The following NECTIN4 variants were observed in gnomAD, a reference collection of about 807,000 sequenced individuals.
NECTIN4 encodes the protein nectin-4.
In NECTIN4, 19 loss-of-function variants were observed where a neutral mutation model predicts 51.7. The ratio of observed to expected loss-of-function variants is 0.37; its 90% confidence interval spans 0.26 to 0.54. The LOEUF (loss-of-function observed/expected upper bound fraction) is 0.54. NECTIN4 is among the 20% of genes least tolerant of loss of function. The probability of loss-of-function intolerance (pLI) is 0.86; values close to 1 mark genes in which losing one functional copy is unlikely to be tolerated. For synonymous variants in NECTIN4, 283 were observed against 286.9 expected, an observed-to-expected ratio of 0.99 and a Z score of 0.14; for missense variants, 619 against 662.4, an observed-to-expected ratio of 0.93 and a Z score of 0.72.
intron 8 of NECTIN4, 56 bp from the exon 9 acceptor site, chr1:161,072,941 G>A: frequency 6.6e-7 from 1 of 1,519,246 alleles, no homozygotes; most frequent in African/African-American, 1.4e-5. Flanking sequence ...GCTGCACATG[G>A]TGGGGCATGG....
At chr1:161,086,625 G>A (rs1430522611) in intron 1 of NECTIN4, among the ~76,000 whole-genome samples, 2 of 152,176 alleles carry the variant, frequency 1.3e-5, no homozygotes, top group African/African-American at 4.8e-5. Flanking sequence ...GGGTCCCTCA[G>A]CCCCAGGGCA....
Position 161,074,263 on chromosome 1 carries a change from T to C in NECTIN4, c.1111A>G (p.Met371Val), listed in dbSNP as rs1386219026. 1.2e-6 allele frequency: 2 copies of C among 1,614,074 alleles called. No homozygotes were observed. The highest frequency in any genetic ancestry group is 1.7e-6 in the Non-Finnish European group (2 of 1,180,010). ...GCCTTGCGCCGATGGTATCGGGACA[T>C]GAGCACCACCACCACCACCAGAAGG... ...FCLLVVVVVL[M>V]SRYHRRKAQQ... Residue 371 changes from methionine to valine, a missense_variant, in exon 6 of 9, where the codon ATG becomes GTG. By Grantham distance (21) the Met-to-Val change is conservative. Transcript: ENST00000368012.
chr1:161,081,023 A>G (rs1158096441), intron 1 of NECTIN4, among the ~76,000 whole-genome samples: 1 of 152,200 alleles, frequency 6.6e-6, no homozygotes, highest in Non-Finnish European at 1.5e-5. Context: ...GGGTAGGATT[A>G]GGAGGGAGAG....
At chr1:161,083,992 G>C (rs1487958076) in intron 1 of NECTIN4, among the ~76,000 whole-genome samples, 1 of 152,232 alleles carries the variant, frequency 6.6e-6, no homozygotes, top group African/African-American at 2.4e-5. Flanking sequence ...TTTATGAGGG[G>C]CCTTTCTCCA....
intron 1 of NECTIN4, among the ~76,000 whole-genome samples, chr1:161,080,578 G>T (rs1445264843): frequency 2.0e-5 from 3 of 152,116 alleles, no homozygotes; most frequent in Non-Finnish European, 4.4e-5. Flanking sequence ...TGTTCCATGT[G>T]GGAGGAAAGG....
intron 1 of NECTIN4, among the ~76,000 whole-genome samples, chr1:161,080,557 A>G (rs1219417936): frequency 6.6e-6 from 1 of 152,124 alleles, no homozygotes; most frequent in African/African-American, 2.4e-5. Context: ...GGATTCCTAT[A>G]GCGCAGGAAA....
intron 1 of NECTIN4, among the ~76,000 whole-genome samples, chr1:161,081,401 C>G (rs1029928689): frequency 5.9e-5 from 9 of 151,910 alleles, no homozygotes; most frequent in African/African-American, 2.2e-4. Context: ...GATTTGGTCA[C>G]TGACCAGAAA....
At chr1:161,082,713 T>A (rs911172734) in intron 1 of NECTIN4, among the ~76,000 whole-genome samples, 5 of 152,106 alleles carry the variant, frequency 3.3e-5, no homozygotes, top group Admixed American at 6.6e-5. Context: ...CAGCCCAGCC[T>A]GGGAGTCCAG....
chr1:161,085,288 C>T lies in NECTIN4; in HGVS notation c.79+3930G>A, dbSNP rs563498772. ...GATGAGAACAATGGGGAGGACAGGC[C>T]TTGAGGCAGCCCCACTCTGGCCCAG... On this transcript the variant is annotated intron_variant, in intron 1 of 8. Coordinates refer to ENST00000368012, the MANE Select transcript of NECTIN4 (RefSeq NM_030916.3). Among the ~76,000 whole-genome samples, 115 of 152,230 alleles carry T rather than the reference C, an allele frequency of 7.6e-4. 1 individual carries two copies. Among genetic ancestry groups the T allele is most frequent in the African/African-American group, 2.6e-3 (107 of 41,520 alleles).
At position 161,073,290 on chromosome 1, in the gene NECTIN4, TCTC is replaced by T; in HGVS notation, c.1240_1242del (p.Glu414del). The T allele has an allele frequency of 6.2e-7, 1 of 1,613,846 alleles. No individual in the cohort carries two copies. The highest frequency in any genetic ancestry group is 1.1e-5 in the South Asian group (1 of 91,082). On this transcript the variant is annotated inframe_deletion, in exon 8 of 9. Transcript: ENST00000368012. ...TGGCCCTCGGCTCTCAGCCCTACAC[TCTC>T]CTCCGGCTGCAGGGCCCAGACACGG...
chr1:161,085,008 G>C (rs1408872973), intron 1 of NECTIN4: 1 of 151,594 alleles, frequency 6.6e-6, no homozygotes, highest in African/African-American at 2.4e-5. Flanking sequence ...GGGACGCACC[G>C]AAGCTCACCA....
At chr1:161,078,025 G>C (rs1338182860) in intron 2 of NECTIN4, among the ~76,000 whole-genome samples, 1 of 152,028 alleles carries the variant, frequency 6.6e-6, no homozygotes, top group Admixed American at 6.6e-5. Context: ...CCACCATCTA[G>C]TAAGCATTTA....
chr1:161,073,080 A>G (rs1289212018), intron 8 of NECTIN4, 145 bp downstream of exon 8: 5 of 853,984 alleles, frequency 5.9e-6, no homozygotes, highest in Non-Finnish European at 9.7e-6. Flanking sequence ...GAGAACAAAG[A>G]CGTAGCAGAG....
In NECTIN4 at chr1:161,089,417, G is replaced by A. The variant is rs141913287; in HGVS notation, c.-121C>T. 5.8e-5 allele frequency: 53 copies of A among 908,382 alleles called. No homozygotes were observed. The highest frequency in any genetic ancestry group is 2.3e-4 in the East Asian group (9 of 38,534). 56.3% of individuals were successfully genotyped at this position (908,382 alleles called of 1,614,324 possible). A position where few individuals can be genotyped will look rare whatever the true frequency, so the allele number is the denominator to read the frequency against. Reference sequence around the variant, plus strand: ...GGAAGCTGCAGAGTTCTTGCCTCTCGCACTTGGGTCTCCACTAGGGGACCC... The same window carrying A: ...GGAAGCTGCAGAGTTCTTGCCTCTCACACTTGGGTCTCCACTAGGGGACCC... On this transcript the variant is annotated 5_prime_UTR_variant, in exon 1 of 9. Transcript: ENST00000368012. The surrounding 1 kb of genome is among the most constrained non-coding windows in gnomAD (Gnocchi z 4.1).
rs200474573 is a variant in NECTIN4, at chr1:161,079,865, C to T, written c.164G>A (p.Arg55Gln). ...GQDAKLPCFY[R>Q]GDSGEQVGQV... is the part of the protein sequence containing the mutation. Reference sequence around the variant, plus strand: ...CCCCACTTGCTCGCCGGAGTCCCCTCGGTAGAAGCAGGGCAGTTTTGCGTC... The same window carrying T: ...CCCCACTTGCTCGCCGGAGTCCCCTTGGTAGAAGCAGGGCAGTTTTGCGTC... Residue 55 changes from arginine (R) to glutamine (Q), a missense_variant, in exon 2 of 9, where the codon CGA (arginine) becomes CAA (glutamine). Arg to Gln is a conservative substitution (Grantham distance 43). This residue lies in a region of NECTIN4 where 218 missense variants were observed against 186.3 expected (regional missense o/e 1.17). Transcript: ENST00000368012. The T allele has an allele frequency of 1.9e-6, 3 of 1,613,958 alleles. No homozygotes were observed. Among genetic ancestry groups the T allele is most frequent in the African/African-American group, 1.3e-5 (1 of 75,070 alleles).
rs974784962 is a variant in NECTIN4 at position 161,073,400 on chromosome 1, C to A, written c.1234-101G>T. The A allele has an allele frequency of 4.1e-6, 4 of 986,206 alleles. No individual in the cohort carries two copies. The African/African-American group carries it at 6.4e-5, about 16-fold the overall frequency. 61.1% of individuals were successfully genotyped at this position (986,206 alleles called of 1,614,324 possible). A position where few individuals can be genotyped will look rare whatever the true frequency, so the allele number is the denominator to read the frequency against. ...ACCAGCCTCCTCCCTACTTGCCTGT[C>A]CCCCAACCCAACAGGTCCATTCTCT... On this transcript the variant is annotated intron_variant, in intron 7 of 8. Transcript: ENST00000368012.
rs1653167665 is a variant in NECTIN4, at chr1:161,071,626, G to C, written c.*1035C>G. The C allele has an allele frequency of 6.6e-6, 1 of 152,072 alleles. No individual in the cohort carries two copies. Among genetic ancestry groups the C allele is most frequent in the Non-Finnish European group, 1.5e-5 (1 of 68,012 alleles). The allele number at this position is 152,072 out of a possible 1,614,324, so 9.4% of individuals were successfully genotyped here. On this transcript the variant is annotated 3_prime_UTR_variant, in exon 9 of 9. Transcript: ENST00000368012. ...TCACAATCACAGGAATTAACCCCCT[G>C]GTGTTGGAGGGGCCTCACTTTAAGC...
chr1:161,089,263 GC>G lies in NECTIN4; in HGVS notation c.33del (p.Pro12LeufsTer29). 1 of 1,611,626 alleles carries G rather than the reference GC, an allele frequency of 6.2e-7. No homozygotes were observed. The highest frequency in any genetic ancestry group is 1.7e-4 in the Middle Eastern group (1 of 6,044). MPLSLGAEMW[G>X]PEAWLLLLLL... ...AGCAGCAGCAGCAGCCAGGCCTCAG[GC>G]CCCCACATCTCGGCTCCCAGGGACA... On this transcript the variant is annotated frameshift_variant, in exon 1 of 9. Coordinates refer to ENST00000368012, the MANE Select transcript of NECTIN4 (RefSeq NM_030916.3). LOFTEE classifies it high-confidence loss of function. This position sits in a 1 kb window ranked among gnomAD's most constrained non-coding sequence, Gnocchi z 4.1.
chr1:161,072,678 GC>G lies in NECTIN4; in HGVS notation c.1515del (p.Arg506GlyfsTer20), dbSNP rs1653226865. Reference sequence around the variant, plus strand: ...GGCCTGGGTCAGACCAGGTGTCCCCGCCCATTGATGTAGATGCCATTGCCCG... The same window carrying G: ...GGCCTGGGTCAGACCAGGTGTCCCCGCCATTGATGTAGATGCCATTGCCCG... ...KPTGNGIYIN[G>X]RGHLV is the part of the protein sequence containing the mutation. On this transcript the variant is annotated frameshift_variant, in exon 9 of 9. Transcript: ENST00000368012. LOFTEE classifies it high-confidence loss of function. The G allele has an allele frequency of 6.2e-7, 1 of 1,614,088 alleles. No individual in the cohort carries two copies. Among genetic ancestry groups the G allele is most frequent in the Non-Finnish European group, 8.5e-7 (1 of 1,179,922 alleles).
Sources: gnomAD v4.1 joint callset for allele counts (sites outside exome capture counted in the v4.1 genomes callset) on GRCh38, gnomAD v4.1.1 for gene constraint, gnomAD v4.1.1 regional missense constraint, Gnocchi (gnomAD v3.1) non-coding constraint, MANE v1.5 for transcripts, NCBI Gene and HGNC (gene_info 2026-07-23, HGNC 2026-07-21) for gene names.